PCDHGB4: variants seen among roughly 807,000 people sequenced by gnomAD.
PCDHGB4 encodes protocadherin gamma subfamily B, 4, also known as protocadherin gamma-B4.
PCDHGB4 carries 38 observed loss-of-function variants against 60.5 expected under a neutral mutation model. The observed-to-expected ratio is 0.63, with a 90% CI of 0.48 to 0.82. The LOEUF is 0.82. Among genes scored for constraint, PCDHGB4 ranks in the 40% least tolerant of loss-of-function variants. The pLI, the probability that PCDHGB4 is intolerant of heterozygous loss-of-function variation, is 0.00. For missense variants in PCDHGB4, 1,109 were observed against 1,209.6 expected, an observed-to-expected ratio of 0.92 and a Z score of 1.23; for synonymous variants, 456 against 509.7, an observed-to-expected ratio of 0.89 and a Z score of 1.42.
At chr5:141,492,993 G>A (rs952802686) in intron 1 of PCDHGB4, among the ~76,000 whole-genome samples, 5 of 152,216 alleles carry the variant, frequency 3.3e-5, no homozygotes, top group African/African-American at 1.2e-4. Flanking sequence ...CTGGCAGATG[G>A]AAAGCTATAG....
chr5:141,511,028 T>C lies in PCDHGB4; in HGVS notation c.2627T>C (p.Leu876Pro). ...GCCCGCTACGGACCCCAGTTCACCC[T>C]GCAGCACGTGCCCGACTACCGCCAG... ...LSARYGPQFTLQHVPDYRQNV... is the reference protein window; with the variant it reads ...LSARYGPQFTPQHVPDYRQNV... The change falls in exon 4 of 4, where the codon CTG becomes CCG. Residue 876 changes from leucine (L) to proline (P), a missense_variant. Leu to Pro is a moderately conservative substitution (Grantham distance 98, BLOSUM62 -3). Around this residue, in one of 2 missense-constraint regions of PCDHGB4, gnomAD observed 1,068 missense variants for 1,089.9 expected, o/e 0.98. Transcript: ENST00000519479. 1 of 1,614,202 alleles carries C rather than the reference T, an allele frequency of 6.2e-7. No homozygotes were observed. Among genetic ancestry groups the C allele is most frequent in the Non-Finnish European group, 8.5e-7 (1 of 1,180,028 alleles).
intron 1 of PCDHGB4, chr5:141,421,914 T>C: frequency 4.3e-6 from 7 of 1,613,742 alleles, no homozygotes; most frequent in Non-Finnish European, 5.9e-6. Flanking sequence ...CAGTTCCCAT[T>C]CGTGTGGTGG....
At position 141,473,122 on chromosome 5, in the gene PCDHGB4, T is replaced by C. The variant is rs533113606; in HGVS notation, c.2398-21685T>C. On this transcript the variant is annotated intron_variant, in intron 1 of 3. Coordinates refer to ENST00000519479, the MANE Select transcript of PCDHGB4 (RefSeq NM_003736.4). ...TATTACCACACTTTACTTGGCTCTT[T>C]GGCAAACTATATTATCTCTTCAGAT... Among the ~76,000 whole-genome samples, 3 of 152,362 alleles carry C rather than the reference T, an allele frequency of 2.0e-5. No homozygotes were observed. In the East Asian group the frequency reaches 5.8e-4, roughly 29 times the overall value.
rs780383828 is a variant in PCDHGB4, at chr5:141,422,708, A to G, written c.2397+32427A>G. ...GCCCTGGTCACTTACTCTCTGACGGATGACACTGTCCAGGGGGTGCCTCTG... is the reference window on the plus strand; with the variant it reads ...GCCCTGGTCACTTACTCTCTGACGGGTGACACTGTCCAGGGGGTGCCTCTG... On this transcript the variant is annotated intron_variant, in intron 1 of 3. Transcript: ENST00000519479. 28 of 1,603,464 alleles carry G rather than the reference A, an allele frequency of 1.7e-5. No individual in the cohort carries two copies. The East Asian group carries it at 3.8e-4, about 22-fold the overall frequency.
At position 141,491,067 on chromosome 5, in the gene PCDHGB4, G is replaced by T. The variant is rs752758445; in HGVS notation, c.2398-3740G>T. On this transcript the variant is annotated intron_variant, in intron 1 of 3. Transcript: ENST00000519479. The surrounding 1 kb of genome is among the most constrained non-coding windows in gnomAD (Gnocchi z 6.9). Reference sequence around the variant, plus strand: ...ACAATGCGTGGCTCTCCTACTCACTGTTGCCACAGTCCACAGCCCCAGGAC... The same window carrying T: ...ACAATGCGTGGCTCTCCTACTCACTTTTGCCACAGTCCACAGCCCCAGGAC... 1.2e-6 allele frequency: 2 copies of T among 1,614,200 alleles called. No homozygotes were observed. The highest frequency in any genetic ancestry group is 1.7e-6 in the Non-Finnish European group (2 of 1,180,040).
intron 1 of PCDHGB4, chr5:141,422,419 A>G (rs1318381358): frequency 8.7e-6 from 14 of 1,607,158 alleles, no homozygotes; most frequent in Non-Finnish European, 1.2e-5. Context: ...ATTAGAAAAG[A>G]CTTATGGAAA....
chr5:141,423,213 C>A, intron 1 of PCDHGB4: 1 of 1,613,710 alleles, frequency 6.2e-7, no homozygotes, highest in Non-Finnish European at 8.5e-7. Flanking sequence ...TCACGCTCAC[C>A]GTGGCTGTGG....
At chr5:141,402,124 A>G (rs150020541) in intron 1 of PCDHGB4, among the ~76,000 whole-genome samples, 1 of 152,254 alleles carries the variant, frequency 6.6e-6, no homozygotes, top group East Asian at 1.9e-4. Flanking sequence ...AAAATTTCCA[A>G]CTTTAATCCT....
chr5:141,418,948 A>G (rs767664022), intron 1 of PCDHGB4: 1 of 1,614,042 alleles, frequency 6.2e-7, no homozygotes, highest in Non-Finnish European at 8.5e-7. Context: ...CCCCTCCAGG[A>G]GTGGTTGTTG....
chr5:141,424,036 C>A, intron 1 of PCDHGB4: 1 of 1,029,606 alleles, frequency 9.7e-7, no homozygotes, highest in Non-Finnish European at 1.2e-6. Context: ...CTTTTTATTT[C>A]CATTTCAATT....
At chr5:141,430,425 A>G (rs1298131518) in intron 1 of PCDHGB4, among the ~76,000 whole-genome samples, 3 of 152,076 alleles carry the variant, frequency 2.0e-5, no homozygotes, top group Non-Finnish European at 4.4e-5. Context: ...TAAAGCGAAT[A>G]CGGTAGATTT....
intron 1 of PCDHGB4, chr5:141,478,544 C>G (rs1371505487): frequency 6.2e-7 from 1 of 1,605,660 alleles, no homozygotes; most frequent in Admixed American, 1.7e-5. Flanking sequence ...CCCTCCCGGA[C>G]AGGTAAGGTT....
chr5:141,449,782 T>C (rs2098655261), intron 1 of PCDHGB4, among the ~76,000 whole-genome samples: 1 of 151,720 alleles, frequency 6.6e-6, no homozygotes, highest in South Asian at 2.1e-4. Flanking sequence ...GAAATTATGT[T>C]TCTTTATTCC....
At chr5:141,472,980 C>CAAAAAAAAAAAAAAAAGAAAA (rs2099308501) in intron 1 of PCDHGB4, among the ~76,000 whole-genome samples, 1 of 86,106 alleles carries the variant, frequency 1.2e-5, no homozygotes, top group Non-Finnish European at 2.5e-5. Context: ...GAGTGAAACT[C>CAAAAAAAAAAAAAAAAGAAAA]AAAAAAAAAA....
At chr5:141,443,093 C>T (rs1316602934) in intron 1 of PCDHGB4, among the ~76,000 whole-genome samples, 2 of 151,940 alleles carry the variant, frequency 1.3e-5, no homozygotes, top group African/African-American at 4.8e-5. Flanking sequence ...CAGTCTCCTT[C>T]TCAAGCTGAA....
Position 141,388,668 on chromosome 5 carries a change from C to G in PCDHGB4, c.784C>G (p.Leu262Val). The stretch of plus-strand genomic sequence containing the variant: ...AAACGTGTACCCGGGGACCACGGTG[C>G]TACAGGTGACTGCCACGGACCAGGA... ...SENVYPGTTV[L>V]QVTATDQDEG... The change falls in exon 1 of 4, where the codon CTA (leucine) becomes GTA (valine). Residue 262 changes from leucine (L) to valine (V), a missense_variant. By Grantham distance (32) the Leu-to-Val change is conservative. Around this residue, in one of 2 missense-constraint regions of PCDHGB4, gnomAD observed 1,068 missense variants for 1,089.9 expected, o/e 0.98. Transcript: ENST00000519479. The G allele has an allele frequency of 6.2e-7, 1 of 1,613,882 alleles. No individual in the cohort carries two copies. Among genetic ancestry groups the G allele is most frequent in the Non-Finnish European group, 8.5e-7 (1 of 1,179,810 alleles).
rs1248867280 is a variant in PCDHGB4 at position 141,511,325 on chromosome 5, C to T, written c.*152C>T. 18 of 1,466,406 alleles carry T rather than the reference C, an allele frequency of 1.2e-5. No homozygotes were observed. Among genetic ancestry groups the T allele is most frequent in the Non-Finnish European group, 1.5e-5 (17 of 1,099,872 alleles). 90.8% of individuals were successfully genotyped at this position (1,466,406 alleles called of 1,614,324 possible). A position where few individuals can be genotyped will look rare whatever the true frequency, so the allele number is the denominator to read the frequency against. On this transcript the variant is annotated 3_prime_UTR_variant, in exon 4 of 4. Coordinates refer to ENST00000519479, the MANE Select transcript of PCDHGB4 (RefSeq NM_003736.4). ...TCCCCTTGGGAAACAGAAACAAGTG[C>T]CCAGTCAGCACCTACCCCTTCCCCC...
intron 1 of PCDHGB4, chr5:141,409,995 CG>C: frequency 1.2e-6 from 2 of 1,613,308 alleles, no homozygotes; most frequent in Non-Finnish European, 1.7e-6. Context: ...GACGCCGACT[CG>C]GGACACAACG....
At chr5:141,447,121 T>C (rs1341601610) in intron 1 of PCDHGB4, among the ~76,000 whole-genome samples, 1 of 152,104 alleles carries the variant, frequency 6.6e-6, no homozygotes, top group Non-Finnish European at 1.5e-5. Flanking sequence ...CTCCATGGAT[T>C]TTTTTGTTTG....
Sources: gnomAD v4.1 joint callset for allele counts (sites outside exome capture counted in the v4.1 genomes callset) on GRCh38, gnomAD v4.1.1 for gene constraint, gnomAD v4.1.1 regional missense constraint, Gnocchi (gnomAD v3.1) non-coding constraint, MANE v1.5 for transcripts, NCBI Gene and HGNC (gene_info 2026-07-23, HGNC 2026-07-21) for gene names.